Variants in DLGAP1 observed in about 807,000 individuals in gnomAD.
DLGAP1 encodes DLG associated protein 1.
DLGAP1 carries 11 observed loss-of-function variants against 90.8 expected under a neutral mutation model. The ratio of observed to expected loss-of-function variants is 0.12; its 90% CI spans 0.08 to 0.20. The LOEUF (loss-of-function observed/expected upper bound fraction) is 0.20. DLGAP1 is among the 10% of genes least tolerant of loss of function. The pLI, the probability that DLGAP1 is intolerant of heterozygous loss-of-function variation, is 1.00. For missense variants in DLGAP1, 1,050 were observed against 1,333.8 expected (o/e 0.79, Z 3.31); for synonymous variants, 558 against 540.7 (o/e 1.03, Z -0.44).
chr18:3,965,889 C>T (rs113126170), intron 3 of DLGAP1, among the ~76,000 whole-genome samples: 10,855 of 140,310 alleles, frequency 0.077, 563 homozygotes, highest in African/African-American at 0.15. Flanking sequence ...CGGAGGTTGC[C>T]GTGAGCCGAG....
intron 2 of DLGAP1, among the ~76,000 whole-genome samples, chr18:4,027,497 C>A (rs2074720969): frequency 1.1e-5 from 1 of 92,822 alleles, no homozygotes; most frequent in African/African-American, 4.7e-5. Flanking sequence ...GAGCAAGACT[C>A]CGTCTCAAAA....
rs1491582902 is a variant in DLGAP1 at position 4,258,023 on chromosome 18, G to GCGCGTATA, written c.-266-106737_-266-106736insTATACGCG. ...TGTGTGTGTGTGTGCGCGCGCGCGC[G>GCGCGTATA]TATAACCTATGTTGAATTCTGTCAG... On this transcript the variant is annotated intron_variant, in intron 1 of 12. Transcript: ENST00000315677. Among the ~76,000 whole-genome samples, 122 of 149,770 alleles carry GCGCGTATA rather than the reference G, an allele frequency of 8.1e-4. 1 individual carries two copies. Among genetic ancestry groups the GCGCGTATA allele is most frequent in the African/African-American group, 3.0e-3 (119 of 39,786 alleles).
chr18:4,226,683 C>CAA (rs34227245), intron 1 of DLGAP1, among the ~76,000 whole-genome samples: 7 of 125,614 alleles, frequency 5.6e-5, no homozygotes, highest in Admixed American at 8.0e-5. Flanking sequence ...ATGGTAAACT[C>CAA]AAAAAAAAAA....
At chr18:3,938,467 G>C (rs113896577) in intron 3 of DLGAP1, among the ~76,000 whole-genome samples, 17 of 152,282 alleles carry the variant, frequency 1.1e-4, no homozygotes, top group African/African-American at 3.6e-4. Flanking sequence ...ATCTGGGAAA[G>C]GGCATTCTTG....
At chr18:4,119,447 G>A (rs2076117372) in intron 2 of DLGAP1, among the ~76,000 whole-genome samples, 1 of 152,160 alleles carries the variant, frequency 6.6e-6, no homozygotes, top group Non-Finnish European at 1.5e-5. Context: ...CTGCAGGACA[G>A]AGCAAAGAGC....
At chr18:3,522,877 G>A (rs1052374921) in intron 10 of DLGAP1, among the ~76,000 whole-genome samples, 8 of 152,054 alleles carry the variant, frequency 5.3e-5, no homozygotes, top group African/African-American at 9.7e-5. Context: ...GCACCAAGAG[G>A]ATACAATGGG....
chr18:3,992,677 T>G (rs2073992606), intron 3 of DLGAP1, among the ~76,000 whole-genome samples: 1 of 151,892 alleles, frequency 6.6e-6, no homozygotes, highest in Non-Finnish European at 1.5e-5. Flanking sequence ...ACCCTGTCTC[T>G]AAATAAATAA....
At chr18:4,221,149 C>T (rs2078067276) in intron 1 of DLGAP1, among the ~76,000 whole-genome samples, 1 of 152,064 alleles carries the variant, frequency 6.6e-6, no homozygotes, top group Non-Finnish European at 1.5e-5. Flanking sequence ...GGTTACTGTG[C>T]AATGCAAGAC....
chr18:3,628,245 A>G (rs1460526146), intron 7 of DLGAP1, among the ~76,000 whole-genome samples: 4 of 144,188 alleles, frequency 2.8e-5, no homozygotes, highest in African/African-American at 5.3e-5. Flanking sequence ...GCTGGAGTGC[A>G]GTGGTGTGAT....
At chr18:4,397,438 C>T (rs2082463737) in intron 1 of DLGAP1, among the ~76,000 whole-genome samples, 1 of 152,158 alleles carries the variant, frequency 6.6e-6, no homozygotes, top group Admixed American at 6.5e-5. Flanking sequence ...TTTGAAACCA[C>T]ACTTTATATC....
chr18:3,678,763 A>G (rs905193788), intron 7 of DLGAP1, among the ~76,000 whole-genome samples: 4 of 152,218 alleles, frequency 2.6e-5, no homozygotes, highest in Non-Finnish European at 5.9e-5. Context: ...TAGTTATTAC[A>G]GAAATTATTC....
chr18:4,184,222 T>A (rs2077253462), intron 1 of DLGAP1, among the ~76,000 whole-genome samples: 1 of 152,168 alleles, frequency 6.6e-6, no homozygotes. Context: ...CTAAATTTGC[T>A]TCTGCACAGT....
intron 1 of DLGAP1, among the ~76,000 whole-genome samples, chr18:4,386,002 G>A (rs913361479): frequency 2.0e-5 from 3 of 152,110 alleles, no homozygotes; most frequent in Non-Finnish European, 4.4e-5. Context: ...ACTTTAAGAA[G>A]CTGCCTCAAG....
At chr18:4,021,385 A>G (rs2074605723) in intron 2 of DLGAP1, among the ~76,000 whole-genome samples, 1 of 151,852 alleles carries the variant, frequency 6.6e-6, no homozygotes, top group Admixed American at 6.6e-5. Flanking sequence ...GGTACCTCCC[A>G]CTGTCTCTCT....
chr18:3,882,164 C>CTG (rs35437347), intron 3 of DLGAP1, among the ~76,000 whole-genome samples: 64,446 of 151,724 alleles, frequency 0.42, 13,898 homozygotes, highest in South Asian at 0.57. Context: ...TCTAAACAAA[C>CTG]AGAGAACAAG....
At chr18:4,432,149 C>T (rs1385024070) in intron 1 of DLGAP1, among the ~76,000 whole-genome samples, 2 of 152,050 alleles carry the variant, frequency 1.3e-5, no homozygotes, top group Non-Finnish European at 2.9e-5. Context: ...GGGCAATAGT[C>T]AAGTCATACT....
At chr18:4,295,854 G>A (rs563367761) in intron 1 of DLGAP1, among the ~76,000 whole-genome samples, 11 of 152,288 alleles carry the variant, frequency 7.2e-5, no homozygotes, top group African/African-American at 2.6e-4. Flanking sequence ...TTCCTGAAAG[G>A]CCTCCAGCTA....
intron 4 of DLGAP1, among the ~76,000 whole-genome samples, chr18:3,819,029 C>T (rs1380768523): frequency 4.6e-5 from 7 of 151,698 alleles, no homozygotes; most frequent in Non-Finnish European, 8.8e-5. Context: ...GAGGAACACA[C>T]GGCCGGACGC....
chr18:3,607,731 GCCT>G (rs2057389673), intron 7 of DLGAP1: 1 of 152,078 alleles, frequency 6.6e-6, no homozygotes, highest in Non-Finnish European at 1.5e-5. Flanking sequence ...ATGGTTGTTT[GCCT>G]CCTCATAACC....
Sources: allele counts gnomAD v4.1 joint callset (sites outside exome capture counted in the v4.1 genomes callset), GRCh38; gene constraint gnomAD v4.1.1; transcripts MANE v1.5; gene names NCBI Gene and HGNC (gene_info 2026-07-23, HGNC 2026-07-21).